PIP4K2A: variants seen among roughly 807,000 people sequenced by gnomAD.
PIP4K2A encodes the protein phosphatidylinositol 5-phosphate 4-kinase type-2 alpha.
PIP4K2A carries 14 observed loss-of-function variants against 42.9 expected under a neutral mutation model. The observed-to-expected ratio is 0.33, with a 90% CI of 0.22 to 0.51. PIP4K2A has a LOEUF of 0.51. Ranked by LOEUF, PIP4K2A falls within the 20% of genes least tolerant of loss-of-function variation. The pLI is 0.97. For synonymous variants in PIP4K2A, 192 were observed against 192.2 expected, an observed-to-expected ratio of 1.00 and a Z score of 0.01; for missense variants, 434 against 519.8, an observed-to-expected ratio of 0.83 and a Z score of 1.61.
At position 22,535,382 on chromosome 10, in the gene PIP4K2A, C is replaced by G. The variant is rs1464250059; in HGVS notation, c.*1819G>C. 1 of 152,210 alleles carries G rather than the reference C, an allele frequency of 6.6e-6. No individual in the cohort carries two copies. The highest frequency in any genetic ancestry group is 1.5e-5 in the Non-Finnish European group (1 of 68,050). 9.4% of individuals were successfully genotyped at this position (152,210 alleles called of 1,614,324 possible). ...TACGTGACAGTGGTGTTAACACTGGCTGCTGAGGATACCAAATCTACATAA... is the reference window on the plus strand; with the variant it reads ...TACGTGACAGTGGTGTTAACACTGGGTGCTGAGGATACCAAATCTACATAA... On this transcript the variant is annotated 3_prime_UTR_variant, in exon 10 of 10. Transcript: ENST00000376573.
chr10:22,655,628 T>G (rs1345757412), intron 1 of PIP4K2A, among the ~76,000 whole-genome samples: 4 of 152,236 alleles, frequency 2.6e-5, no homozygotes, highest in African/African-American at 9.6e-5. Flanking sequence ...TGTAAACAAT[T>G]CTGCAGCTCA....
At chr10:22,615,185 C>T (rs1271792366) in intron 1 of PIP4K2A, among the ~76,000 whole-genome samples, 2 of 152,124 alleles carry the variant, frequency 1.3e-5, no homozygotes, top group South Asian at 2.1e-4. Flanking sequence ...TGGCCAACTG[C>T]AGTCTTGAAC....
chr10:22,539,855 T>C (rs1227976821), intron 9 of PIP4K2A, 116 bp downstream of exon 9: 5 of 733,348 alleles, frequency 6.8e-6, no homozygotes, highest in Non-Finnish European at 7.4e-6. Flanking sequence ...AAAGGAGTGA[T>C]CCCTGAGTTA....
intron 3 of PIP4K2A, among the ~76,000 whole-genome samples, chr10:22,601,214 G>A (rs1837767706): frequency 6.7e-6 from 1 of 148,490 alleles, no homozygotes; most frequent in African/African-American, 2.5e-5. Flanking sequence ...CGTTTAACCT[G>A]GAGAGAAGCA....
chr10:22,559,440 G>T (rs562666070), intron 6 of PIP4K2A, among the ~76,000 whole-genome samples: 1 of 152,192 alleles, frequency 6.6e-6, no homozygotes, highest in African/African-American at 2.4e-5. Flanking sequence ...AGCACCATAA[G>T]CCATAAGTCA....
At chr10:22,675,027 C>A (rs957721651) in intron 1 of PIP4K2A, among the ~76,000 whole-genome samples, 1 of 151,844 alleles carries the variant, frequency 6.6e-6, no homozygotes, top group Non-Finnish European at 1.5e-5. Context: ...AGGTAGCCAA[C>A]GTAACTATTA....
At chr10:22,656,500 C>T (rs902648961) in intron 1 of PIP4K2A, among the ~76,000 whole-genome samples, 2 of 152,142 alleles carry the variant, frequency 1.3e-5, no homozygotes, top group Admixed American at 1.3e-4. Flanking sequence ...GCTGCTGAGA[C>T]CATCTTGCTG....
At chr10:22,676,897 T>C (rs531642082) in intron 1 of PIP4K2A, among the ~76,000 whole-genome samples, 1 of 152,324 alleles carries the variant, frequency 6.6e-6, no homozygotes, top group African/African-American at 2.4e-5. Context: ...AGCTGAATAC[T>C]GGGAGATGCT....
chr10:22,539,692 T>C, intron 9 of PIP4K2A: 1 of 362,462 alleles, frequency 2.8e-6, no homozygotes, highest in Admixed American at 4.2e-5. Context: ...TTAAGTGACT[T>C]CGCTGGAAGC....
At chr10:22,650,999 T>G (rs1055601660) in intron 1 of PIP4K2A, among the ~76,000 whole-genome samples, 1 of 152,212 alleles carries the variant, frequency 6.6e-6, no homozygotes, top group African/African-American at 2.4e-5. Context: ...GCTCCCAGAT[T>G]TGTAGCTCTA....
At chr10:22,589,802 T>C (rs1193962465) in intron 4 of PIP4K2A, among the ~76,000 whole-genome samples, 1 of 152,238 alleles carries the variant, frequency 6.6e-6, no homozygotes, top group Non-Finnish European at 1.5e-5. Flanking sequence ...TATTAATATA[T>C]TCAGGACCTG....
At chr10:22,548,918 G>A (rs1319155734) in intron 7 of PIP4K2A, among the ~76,000 whole-genome samples, 3 of 152,032 alleles carry the variant, frequency 2.0e-5, no homozygotes, top group South Asian at 2.1e-4. Context: ...GCCAGGCACC[G>A]TGGTGCATGC....
rs971935786 is a variant in PIP4K2A, at chr10:22,709,247, T to C, written c.144+4936A>G. On this transcript the variant is annotated intron_variant, in intron 1 of 9. Coordinates refer to ENST00000376573, the MANE Select transcript of PIP4K2A (RefSeq NM_005028.5). ...GGCATCATTTACTGAATCCTTATGA[T>C]GTGCTAATTACAGTGCTAGGCCTTA... Among the ~76,000 whole-genome samples the C allele has an allele frequency of 2.0e-5, 3 of 152,252 alleles. No homozygotes were observed. The East Asian group carries it at 5.8e-4, about 29-fold the overall frequency.
chr10:22,585,496 C>G (rs1249423411), intron 4 of PIP4K2A, among the ~76,000 whole-genome samples: 1 of 152,068 alleles, frequency 6.6e-6, no homozygotes, highest in Non-Finnish European at 1.5e-5. Flanking sequence ...TATTAAAATA[C>G]TCAATAATAT....
At chr10:22,664,668 T>C (rs911071415) in intron 1 of PIP4K2A, among the ~76,000 whole-genome samples, 5 of 152,172 alleles carry the variant, frequency 3.3e-5, no homozygotes, top group Non-Finnish European at 7.4e-5. Context: ...TGTTTTACTT[T>C]TATTTTTTAA....
At chr10:22,685,194 A>C (rs1246967844) in intron 1 of PIP4K2A, among the ~76,000 whole-genome samples, 1 of 152,160 alleles carries the variant, frequency 6.6e-6, no homozygotes, top group African/African-American at 2.4e-5. Flanking sequence ...AGCATAAGAG[A>C]TTATATCCAG....
chr10:22,697,636 G>C (rs903021548), intron 1 of PIP4K2A, among the ~76,000 whole-genome samples: 1 of 152,150 alleles, frequency 6.6e-6, no homozygotes, highest in African/African-American at 2.4e-5. Context: ...TGAAGCAGGA[G>C]AATCACTTGT....
intron 3 of PIP4K2A, among the ~76,000 whole-genome samples, chr10:22,601,309 G>A (rs1184459401): frequency 2.0e-5 from 3 of 152,144 alleles, no homozygotes; most frequent in Non-Finnish European, 4.4e-5. Context: ...GGGAAACACA[G>A]GCTAACAGGA....
chr10:22,686,091 G>A (rs1170198438), intron 1 of PIP4K2A, among the ~76,000 whole-genome samples: 3 of 152,180 alleles, frequency 2.0e-5, no homozygotes. Context: ...GGAGTCTGCT[G>A]TGCTTTTGAG....
Sources: allele counts gnomAD v4.1 joint callset (sites outside exome capture counted in the v4.1 genomes callset), GRCh38; gene constraint gnomAD v4.1.1; transcripts MANE v1.5; gene names NCBI Gene and HGNC (gene_info 2026-07-23, HGNC 2026-07-21).